The following PRELID2 variants were observed in gnomAD, a reference collection of about 807,000 sequenced individuals.
PRELID2 encodes the protein PRELI domain-containing protein 2.
PRELID2 carries 25 observed loss-of-function variants against 28.4 expected under a neutral mutation model. The ratio of observed to expected loss-of-function variants is 0.88; its 90% CI spans 0.64 to 1.23. The LOEUF is 1.23. Among genes scored for constraint, PRELID2 ranks in the 50% most tolerant of loss-of-function variants. The probability of loss-of-function intolerance (pLI) is 0.00; values close to 1 mark genes in which losing one functional copy is unlikely to be tolerated. For synonymous variants in PRELID2, 76 were observed against 71.6 expected, an observed-to-expected ratio of 1.06 and a Z score of -0.31; for missense variants, 201 against 214.4, an observed-to-expected ratio of 0.94 and a Z score of 0.39.
chr5:145,244,828 C>CA, the PRELID2 span, among the ~76,000 whole-genome samples: 4 of 152,052 alleles, frequency 2.6e-5, no homozygotes, highest in East Asian at 1.9e-4. Context: ...CTTTTACATG[C>CA]AAAAAAATTT....
chr5:145,604,407 G>A (rs11958782), intron 1 of PRELID2, among the ~76,000 whole-genome samples: 5,324 of 152,102 alleles, frequency 0.035, 280 homozygotes, highest in African/African-American at 0.12. Flanking sequence ...CAAAGGATAT[G>A]ATCTTGTTCT....
At chr5:145,278,645 T>G in the PRELID2 span, among the ~76,000 whole-genome samples, 1 of 152,160 alleles carries the variant, frequency 6.6e-6, no homozygotes, top group South Asian at 2.1e-4. Flanking sequence ...TGACACGCTG[T>G]TACACTTGCC....
chr5:145,581,696 T>C (rs902041852), intron 1 of PRELID2, among the ~76,000 whole-genome samples: 9 of 152,046 alleles, frequency 5.9e-5, no homozygotes, highest in Admixed American at 5.3e-4. Context: ...TAACCAGACG[T>C]TGAAGCCTGA....
chr5:145,807,099 C>T (rs1581242067), intron 4 of PRELID2, among the ~76,000 whole-genome samples: 2 of 152,162 alleles, frequency 1.3e-5, no homozygotes, highest in Admixed American at 6.5e-5. Context: ...ACACTGCCAT[C>T]ACCACAAACA....
At chr5:145,807,917 A>G (rs1475833640) in intron 4 of PRELID2, among the ~76,000 whole-genome samples, 1 of 152,210 alleles carries the variant, frequency 6.6e-6, no homozygotes, top group African/African-American at 2.4e-5. Context: ...AAAACAGAGG[A>G]GACTCTGATT....
chr5:145,335,497 T>C, the PRELID2 span, among the ~76,000 whole-genome samples: 6 of 152,176 alleles, frequency 3.9e-5, no homozygotes, highest in South Asian at 6.2e-4. Context: ...TAAAAAATTA[T>C]TGTGTTTATC....
chr5:145,470,244 T>G (rs1314917258), downstream of PRELID2, among the ~76,000 whole-genome samples: 1 of 152,036 alleles, frequency 6.6e-6, no homozygotes, highest in Non-Finnish European at 1.5e-5. Context: ...CCATAGACAA[T>G]ATATAAACAA....
At chr5:145,341,546 GAA>G in the PRELID2 span, among the ~76,000 whole-genome samples, 1 of 151,918 alleles carries the variant, frequency 6.6e-6, no homozygotes, top group Non-Finnish European at 1.5e-5. Flanking sequence ...TCTCAAAAAA[GAA>G]AAGAGACAGA....
chr5:145,268,471 C>T, the PRELID2 span, among the ~76,000 whole-genome samples: 11 of 152,062 alleles, frequency 7.2e-5, no homozygotes, highest in African/African-American at 1.4e-4. Flanking sequence ...TCCTGGGCTT[C>T]CACGCACCAC....
chr5:145,229,619 T>G, the PRELID2 span: 2 of 1,075,646 alleles, frequency 1.9e-6, no homozygotes, highest in Non-Finnish European at 2.8e-6. Context: ...CTTATTGCCA[T>G]CGTGGAGAAC....
chr5:145,538,936 C>T (rs1752723257), intron 1 of PRELID2, among the ~76,000 whole-genome samples: 1 of 151,950 alleles, frequency 6.6e-6, no homozygotes. Context: ...CAGAAAGCCT[C>T]ACTGCATAAC....
the PRELID2 span, chr5:145,441,325 G>T: frequency 6.6e-6 from 1 of 151,426 alleles, no homozygotes; most frequent in Non-Finnish European, 1.5e-5. Context: ...TGTCTCTCTT[G>T]AATCTATTCC....
chr5:145,324,186 G>T, the PRELID2 span, among the ~76,000 whole-genome samples: 1 of 152,162 alleles, frequency 6.6e-6, no homozygotes, highest in East Asian at 1.9e-4. Context: ...TTCATTTAAG[G>T]TATGTATAAG....
chr5:145,831,615 A>G (rs1211097836), intron 1 of PRELID2, among the ~76,000 whole-genome samples: 1 of 152,228 alleles, frequency 6.6e-6, no homozygotes, highest in African/African-American at 2.4e-5. Flanking sequence ...AGTTCCTCCC[A>G]AGGAATCTCT....
At chr5:145,559,232 C>A (rs1561506169) in intron 1 of PRELID2, among the ~76,000 whole-genome samples, 2 of 148,780 alleles carry the variant, frequency 1.3e-5, no homozygotes, top group East Asian at 3.9e-4. Flanking sequence ...CCAGCCTGGG[C>A]GACTGAGCGA....
intron 1 of PRELID2, among the ~76,000 whole-genome samples, chr5:145,532,299 C>T (rs1039965546): frequency 3.9e-5 from 6 of 151,958 alleles, no homozygotes; most frequent in African/African-American, 7.2e-5. Flanking sequence ...ATAAGATCAT[C>T]GATGTAAGAC....
At chr5:145,746,652 G>C (rs1756998856) in intron 1 of PRELID2, among the ~76,000 whole-genome samples, 1 of 152,130 alleles carries the variant, frequency 6.6e-6, no homozygotes, top group Non-Finnish European at 1.5e-5. Flanking sequence ...AAGATATTCA[G>C]GACTTGAACT....
rs537551726 is a variant in PRELID2, at chr5:145,791,295, T to C, written c.474+5147A>G. The stretch of plus-strand genomic sequence containing the variant: ...CCCCACCTTGACACGTGGGGATTAT[T>C]ACAATTCACGTAAGATTTGGGTGGG... On this transcript the variant is annotated intron_variant, in intron 5 of 6. Coordinates refer to ENST00000683046, the MANE Select transcript of PRELID2 (RefSeq NM_205846.3). Among the ~76,000 whole-genome samples the C allele has an allele frequency of 2.6e-5, 4 of 152,280 alleles. No homozygotes were observed. In the South Asian group the frequency reaches 8.3e-4, roughly 32 times the overall value.
At chr5:145,471,898 A>G (rs1296650718) in exon 3 of PRELID2, 1 of 152,160 alleles carries the variant, frequency 6.6e-6, no homozygotes, top group Non-Finnish European at 1.5e-5. Context: ...CAATGGGACA[A>G]CAAAGAAGGT....
Sources: gnomAD v4.1 joint callset for allele counts (sites outside exome capture counted in the v4.1 genomes callset) on GRCh38, gnomAD v4.1.1 for gene constraint, MANE v1.5 for transcripts, NCBI Gene and HGNC (gene_info 2026-07-23, HGNC 2026-07-21) for gene names.